FNDC3B: variants seen among roughly 807,000 people sequenced by gnomAD.
The protein encoded by FNDC3B is fibronectin type III domain containing 3B.
In FNDC3B, 12 loss-of-function variants were observed where a neutral mutation model predicts 151.5. The observed-to-expected ratio is 0.08, with a 90% CI of 0.05 to 0.13. The LOEUF (loss-of-function observed/expected upper bound fraction) is 0.13. Ranked by LOEUF, FNDC3B falls within the 10% of genes least tolerant of loss-of-function variation. The pLI, the probability that FNDC3B is intolerant of heterozygous loss-of-function variation, is 1.00. For synonymous variants in FNDC3B, 528 were observed against 549.0 expected (o/e 0.96, Z 0.54); for missense variants, 1,214 against 1,505.3 (o/e 0.81, Z 3.20).
chr3:172,330,500 C>T (rs1220633867), intron 12 of FNDC3B, 41 bp from the exon 13 acceptor site: 1 of 1,553,180 alleles, frequency 6.4e-7, no homozygotes, highest in African/African-American at 1.4e-5. Context: ...CAAGCCTCTT[C>T]ACATGCTTCT....
At chr3:172,187,025 A>G in intron 3 of FNDC3B, 1 of 350,818 alleles carries the variant, frequency 2.9e-6, no homozygotes, top group South Asian at 6.6e-5. Flanking sequence ...GATGCTTATT[A>G]GTCCACCTGA....
intron 23 of FNDC3B, among the ~76,000 whole-genome samples, chr3:172,366,841 T>C (rs1001284605): frequency 6.6e-6 from 1 of 152,196 alleles, no homozygotes; most frequent in African/African-American, 2.4e-5. Context: ...TGGAGACTAG[T>C]GATGAAGACT....
At chr3:172,375,212 C>T (rs1735073344) in intron 23 of FNDC3B, among the ~76,000 whole-genome samples, 2 of 152,198 alleles carry the variant, frequency 1.3e-5, no homozygotes, top group Non-Finnish European at 2.9e-5. Context: ...GGTCACACTT[C>T]AGAGTGAGAT....
intron 2 of FNDC3B, among the ~76,000 whole-genome samples, chr3:172,122,651 A>AGGTGT (rs1720610117): frequency 1.3e-5 from 2 of 152,252 alleles, no homozygotes; most frequent in South Asian, 4.1e-4. Context: ...CCTGAGCAGC[A>AGGTGT]GGTGTGTTCA....
At chr3:172,347,422 G>A in intron 21 of FNDC3B, 61 bp downstream of exon 21, 2 of 1,385,918 alleles carry the variant, frequency 1.4e-6, no homozygotes, top group South Asian at 1.7e-5. Flanking sequence ...AGGCACTTTG[G>A]GAAACCCACT....
At chr3:172,278,951 C>T (rs1729568198) in intron 6 of FNDC3B, among the ~76,000 whole-genome samples, 1 of 152,038 alleles carries the variant, frequency 6.6e-6, no homozygotes, top group South Asian at 2.1e-4. Flanking sequence ...ACAAAAAAAA[C>T]ACTAGCAGCT....
chr3:172,231,746 T>C lies in FNDC3B; in HGVS notation c.264+4799T>C, dbSNP rs73880131. On this transcript the variant is annotated intron_variant, in intron 4 of 25. Transcript: ENST00000415807. Reference sequence around the variant, plus strand: ...TTCCCATTATGATACAATCTCACAGTCCGTGGCAGAGCCTTGTCCTGATGA... The same window carrying C: ...TTCCCATTATGATACAATCTCACAGCCCGTGGCAGAGCCTTGTCCTGATGA... Among the ~76,000 whole-genome samples the C allele has an allele frequency of 5.7e-3, 849 of 147,806 alleles. 14 individuals are homozygous for C. Among genetic ancestry groups the C allele is most frequent in the African/African-American group, 0.021 (807 of 38,836 alleles).
intron 23 of FNDC3B, among the ~76,000 whole-genome samples, chr3:172,371,977 T>C (rs1043885854): frequency 1.3e-5 from 2 of 152,238 alleles, no homozygotes; most frequent in African/African-American, 4.8e-5. Flanking sequence ...ATTTAATAAG[T>C]GCTAGGCATT....
At chr3:172,110,515 A>G (rs1160067404) in intron 1 of FNDC3B, among the ~76,000 whole-genome samples, 1 of 152,038 alleles carries the variant, frequency 6.6e-6, no homozygotes, top group Non-Finnish European at 1.5e-5. Context: ...GAAGGGACCT[A>G]GAGTGAGGCC....
intron 1 of FNDC3B, among the ~76,000 whole-genome samples, chr3:172,044,419 T>C (rs1716260830): frequency 6.6e-6 from 1 of 152,142 alleles, no homozygotes; most frequent in African/African-American, 2.4e-5. Flanking sequence ...TCTTCCATAG[T>C]TATGGTACTG....
At chr3:172,368,409 G>A (rs1734732831) in intron 23 of FNDC3B, among the ~76,000 whole-genome samples, 1 of 152,188 alleles carries the variant, frequency 6.6e-6, no homozygotes, top group Non-Finnish European at 1.5e-5. Context: ...ACAGATGTGA[G>A]GCAGCCAGCT....
intron 3 of FNDC3B, among the ~76,000 whole-genome samples, chr3:172,174,930 GCCACC>G (rs1253119405): frequency 6.8e-5 from 1 of 14,698 alleles, no homozygotes; most frequent in Non-Finnish European, 1.4e-4. Context: ...CCTTCCCCCC[GCCACC>G]CCCCCCCCCC....
chr3:172,267,646 G>A (rs553623972), intron 6 of FNDC3B, among the ~76,000 whole-genome samples: 4 of 152,204 alleles, frequency 2.6e-5, no homozygotes, highest in East Asian at 1.9e-4. Flanking sequence ...AATGATGACC[G>A]GAGCTCATGG....
At chr3:172,051,726 T>G (rs1489724047) in intron 1 of FNDC3B, among the ~76,000 whole-genome samples, 1 of 152,210 alleles carries the variant, frequency 6.6e-6, no homozygotes, top group Non-Finnish European at 1.5e-5. Flanking sequence ...TTCAGTTTTT[T>G]CCTCAAAGTA....
At position 172,347,228 on chromosome 3, in the gene FNDC3B, G is replaced by T. The variant is rs1236329906; in HGVS notation, c.2381G>T (p.Gly794Val). Reference protein sequence around the residue: ...LVGWESPDSSGADISEYRLEW... With the variant: ...LVGWESPDSSVADISEYRLEW... ...CCTTTCCAGAGTCCTGATAGTTCTG[G>T]TGCTGACATCTCAGAGTACAGGTTG... Residue 794 changes from glycine (G) to valine (V), a missense_variant, in exon 21 of 26, where the codon GGT becomes GTT. Physicochemically the swap from Gly to Val is moderately radical, Grantham distance 109. Coordinates refer to ENST00000415807, the MANE Select transcript of FNDC3B (RefSeq NM_022763.4). 6.2e-7 allele frequency: 1 copy of T among 1,613,300 alleles called. No homozygotes were observed. Among genetic ancestry groups the T allele is most frequent in the Non-Finnish European group, 8.5e-7 (1 of 1,179,628 alleles).
chr3:172,338,622 A>G (rs1733115531), intron 16 of FNDC3B, among the ~76,000 whole-genome samples: 1 of 152,262 alleles, frequency 6.6e-6, no homozygotes, highest in Non-Finnish European at 1.5e-5. Context: ...TTTTCTTTCT[A>G]ATAAAATTCA....
intron 3 of FNDC3B, among the ~76,000 whole-genome samples, chr3:172,160,962 TAAAAG>T: frequency 6.6e-6 from 1 of 152,258 alleles, no homozygotes; most frequent in East Asian, 1.9e-4. Context: ...TCAAAAGAAA[TAAAAG>T]AGAAACAGCA....
intron 3 of FNDC3B, among the ~76,000 whole-genome samples, chr3:172,220,126 G>C (rs1726203016): frequency 6.6e-6 from 1 of 151,972 alleles, no homozygotes. Context: ...CAGTGTACAA[G>C]TTTCCAATTT....
At chr3:172,156,701 T>G (rs949655117) in intron 3 of FNDC3B, among the ~76,000 whole-genome samples, 15 of 151,944 alleles carry the variant, frequency 9.9e-5, no homozygotes, top group African/African-American at 2.9e-4. Flanking sequence ...GAAGTTTTTT[T>G]TTTTTTTTTT....
Sources: allele counts gnomAD v4.1 joint callset (sites outside exome capture counted in the v4.1 genomes callset), GRCh38; gene constraint gnomAD v4.1.1; transcripts MANE v1.5; gene names NCBI Gene and HGNC (gene_info 2026-07-23, HGNC 2026-07-21).